Variants in STPG2 observed in about 807,000 individuals in gnomAD.
STPG2 encodes sperm tail PG-rich repeat containing 2, also known as sperm-tail PG-rich repeat-containing protein 2.
In STPG2, 56 loss-of-function variants were observed where a neutral mutation model predicts 54.2. The ratio of observed to expected loss-of-function variants is 1.03; its 90% CI spans 0.83 to 1.29. The LOEUF (loss-of-function observed/expected upper bound fraction) is 1.29, where lower values mean the gene tolerates loss of function less well. Among genes scored for constraint, STPG2 ranks in the 50% most tolerant of loss-of-function variants. The pLI is 0.00. For missense variants in STPG2, 596 were observed against 544.9 expected (o/e 1.09, Z -0.93); for synonymous variants, 200 against 181.8 (o/e 1.10, Z -0.81).
At chr4:97,520,264 TTGGCATTACA>T (rs1004060515) in intron 4 of STPG2, among the ~76,000 whole-genome samples, 10 of 152,102 alleles carry the variant, frequency 6.6e-5, no homozygotes, top group Non-Finnish European at 1.3e-4. Context: ...GGACAAGGAC[TTGGCATTACA>T]TCCTCAGTAG....
chr4:98,027,885 CCTT>C (rs1179286836), intron 5 of STPG2, among the ~76,000 whole-genome samples: 1 of 152,162 alleles, frequency 6.6e-6, no homozygotes, highest in Non-Finnish European at 1.5e-5. Flanking sequence ...CTTCATGTAT[CCTT>C]CTTTCTGTCC....
intron 10 of STPG2, among the ~76,000 whole-genome samples, chr4:97,626,769 G>A (rs1352000844): frequency 6.6e-6 from 1 of 151,392 alleles, no homozygotes; most frequent in Non-Finnish European, 1.5e-5. Flanking sequence ...TAATTCTTGT[G>A]TTAGATTTAT....
chr4:97,909,956 A>C (rs1731615616), intron 8 of STPG2, among the ~76,000 whole-genome samples: 1 of 152,190 alleles, frequency 6.6e-6, no homozygotes, highest in African/African-American at 2.4e-5. Context: ...GATAATAATA[A>C]TAATATTCAT....
chr4:97,945,473 A>G (rs1733174255), intron 7 of STPG2, among the ~76,000 whole-genome samples: 1 of 152,118 alleles, frequency 6.6e-6, no homozygotes, highest in South Asian at 2.1e-4. Flanking sequence ...ATGGGCACTA[A>G]GATTGGTTCC....
intron 4 of STPG2, among the ~76,000 whole-genome samples, chr4:97,494,880 C>A (rs1159739379): frequency 2.0e-5 from 3 of 151,430 alleles, no homozygotes; most frequent in Admixed American, 1.3e-4. Context: ...AATGATGCAA[C>A]ATTAAGAAAA....
At position 97,864,179 on chromosome 4, in the gene STPG2, T is replaced by G. The variant is rs554773609; in HGVS notation, c.1045-23247A>C. On this transcript the variant is annotated intron_variant, in intron 8 of 10. Transcript: ENST00000295268. ...AATTGTCCCTGTTTGCAGATGACATTATTGTATATCTAGAAAACCCCATTG... is the reference window on the plus strand; with the variant it reads ...AATTGTCCCTGTTTGCAGATGACATGATTGTATATCTAGAAAACCCCATTG... Among the ~76,000 whole-genome samples, 197 of 152,220 alleles carry G rather than the reference T, an allele frequency of 1.3e-3. 1 individual carries two copies. The highest frequency in any genetic ancestry group is 4.4e-3 in the African/African-American group (184 of 41,546).
chr4:97,633,229 T>A (rs147808351), intron 10 of STPG2, among the ~76,000 whole-genome samples: 1 of 152,302 alleles, frequency 6.6e-6, no homozygotes, highest in East Asian at 1.9e-4. Context: ...TGCTTCTAAG[T>A]GTCAAATACA....
rs778832793 is a variant in STPG2 at position 97,559,138 on chromosome 4, A to G, written c.1321-21T>C. The G allele has an allele frequency of 1.1e-5, 17 of 1,499,634 alleles. No individual in the cohort carries two copies. In the African/African-American group the frequency reaches 1.7e-4, roughly 15 times the overall value. 92.9% of individuals were successfully genotyped at this position (1,499,634 alleles called of 1,614,324 possible). Reference sequence around the variant, plus strand: ...GATATCTGTTTAATAAGAATGAGAAAAAAAGGAGGAAAACATCTACTTACA... The same window carrying G: ...GATATCTGTTTAATAAGAATGAGAAGAAAAGGAGGAAAACATCTACTTACA... On this transcript the variant is annotated intron_variant, in intron 10 of 10. Transcript: ENST00000295268.
intron 7 of STPG2, among the ~76,000 whole-genome samples, chr4:97,969,778 T>A (rs1010404925): frequency 2.6e-5 from 4 of 152,094 alleles, no homozygotes; most frequent in African/African-American, 4.8e-5. Context: ...CTCTCACCAC[T>A]CCTATTCAAC....
intron 8 of STPG2, among the ~76,000 whole-genome samples, chr4:97,906,004 A>T (rs1353130547): frequency 1.3e-5 from 2 of 152,196 alleles, no homozygotes; most frequent in Non-Finnish European, 2.9e-5. Context: ...GAAGGCAAGA[A>T]ATAACTAAGA....
intron 5 of STPG2, among the ~76,000 whole-genome samples, chr4:97,985,372 TG>T (rs1734799245): frequency 1.3e-5 from 2 of 152,204 alleles, no homozygotes; most frequent in South Asian, 2.1e-4. Context: ...ATTCCTCAGA[TG>T]TTTTTAATAT....
At chr4:98,047,344 C>T (rs1043427950) in intron 5 of STPG2, among the ~76,000 whole-genome samples, 3 of 151,988 alleles carry the variant, frequency 2.0e-5, no homozygotes, top group Non-Finnish European at 2.9e-5. Flanking sequence ...CGCCCATACA[C>T]TTATTTAAAC....
intron 5 of STPG2, among the ~76,000 whole-genome samples, chr4:98,035,656 T>C (rs538551217): frequency 3.0e-4 from 45 of 152,342 alleles, no homozygotes; most frequent in Admixed American, 9.2e-4. Flanking sequence ...CATATGTTTA[T>C]TGCGGCATTG....
intron 4 of STPG2, among the ~76,000 whole-genome samples, chr4:97,509,166 G>A (rs1311444041): frequency 6.6e-6 from 1 of 151,886 alleles, no homozygotes; most frequent in African/African-American, 2.4e-5. Context: ...TTTGAACCTG[G>A]TCCGTTTCTG....
chr4:97,492,066 C>A (rs1001200185), intron 4 of STPG2, among the ~76,000 whole-genome samples: 6 of 151,320 alleles, frequency 4.0e-5, no homozygotes, highest in African/African-American at 1.5e-4. Flanking sequence ...TAGCAATTTT[C>A]TCTTTAAAGC....
At chr4:97,879,521 A>G (rs548065405) in intron 8 of STPG2, among the ~76,000 whole-genome samples, 17 of 152,274 alleles carry the variant, frequency 1.1e-4, no homozygotes, top group Middle Eastern at 3.4e-3. Context: ...TTCCCCTTAT[A>G]AAGCCATCAG....
chr4:97,557,478 T>C (rs1732108332), downstream of STPG2, among the ~76,000 whole-genome samples: 2 of 152,258 alleles, frequency 1.3e-5, no homozygotes, highest in South Asian at 2.1e-4. Context: ...AATAAAACAC[T>C]GTGAAGAAAA....
At chr4:97,994,188 G>A (rs188017759) in intron 5 of STPG2, among the ~76,000 whole-genome samples, 46 of 152,140 alleles carry the variant, frequency 3.0e-4, no homozygotes, top group African/African-American at 1.1e-3. Context: ...TCAGTTCAAA[G>A]AATTTTTTAA....
intron 5 of STPG2, among the ~76,000 whole-genome samples, chr4:98,073,397 T>C (rs1738065657): frequency 3.3e-5 from 5 of 151,516 alleles, no homozygotes; most frequent in Admixed American, 2.6e-4. Context: ...GTTCATAACA[T>C]TGATAATTCA....
Sources: gnomAD v4.1 joint callset for allele counts (sites outside exome capture counted in the v4.1 genomes callset) on GRCh38, gnomAD v4.1.1 for gene constraint, MANE v1.5 for transcripts, NCBI Gene and HGNC (gene_info 2026-07-23, HGNC 2026-07-21) for gene names.